The following NLGN3 variants were observed in gnomAD, a reference collection of about 807,000 sequenced individuals.
The protein encoded by NLGN3 is neuroligin-3.
Under a neutral mutation model 42.9 loss-of-function variants are expected in NLGN3, and 11 were observed. That is an observed-to-expected ratio of 0.26 (90% CI 0.16 to 0.42). The LOEUF is 0.42. Ranked by LOEUF, NLGN3 falls within the 10% of genes least tolerant of loss-of-function variation. The pLI is 1.00. For missense variants in NLGN3, 374 were observed against 733.8 expected, an observed-to-expected ratio of 0.51 and a Z score of 5.67; for synonymous variants, 279 against 312.7, an observed-to-expected ratio of 0.89 and a Z score of 1.14.
chrX:71,165,682 T>G (rs996443324), intron 6 of NLGN3, among the ~76,000 whole-genome samples: 1 of 110,727 alleles, frequency 9.0e-6, no homozygotes, highest in Non-Finnish European at 1.9e-5. Flanking sequence ...CATGCTACCA[T>G]GCCCGGCTAA....
chrX:71,146,157 A>T (rs865884460), intron 1 of NLGN3, among the ~76,000 whole-genome samples: 411 of 28,073 alleles, frequency 0.015, 13 homozygotes, highest in African/African-American at 0.072. Context: ...TCTCTCTCAC[A>T]CACACACACA....
intron 3 of NLGN3, among the ~76,000 whole-genome samples, chrX:71,150,594 C>T (rs1216444742): frequency 2.8e-5 from 3 of 105,980 alleles, no homozygotes; most frequent in East Asian, 3.0e-4. Context: ...TCCGGCTACT[C>T]GGGAGGTTGA....
chrX:71,156,975 G>C (rs1486781585), intron 5 of NLGN3, among the ~76,000 whole-genome samples: 1 of 111,051 alleles, frequency 9.0e-6, no homozygotes, highest in African/African-American at 3.3e-5. Flanking sequence ...GCCTCAGAGA[G>C]GGTGACTAAG....
chrX:71,161,632 G>A (rs983498317), intron 5 of NLGN3, among the ~76,000 whole-genome samples: 3 of 110,598 alleles, frequency 2.7e-5, no homozygotes, highest in Admixed American at 9.6e-5. Flanking sequence ...AAATTAGCCA[G>A]GCATGGTGGC....
At chrX:71,155,962 C>T (rs1393429241) in intron 5 of NLGN3, among the ~76,000 whole-genome samples, 1 of 110,610 alleles carries the variant, frequency 9.0e-6, no homozygotes, top group African/African-American at 3.3e-5. Flanking sequence ...ATCCACATAC[C>T]CACACGGTCT....
intron 7 of NLGN3, among the ~76,000 whole-genome samples, chrX:71,168,843 AAGAAAGAAAG>A (rs1569485675): frequency 1.1e-5 from 1 of 89,329 alleles, no homozygotes. Context: ...GAAAGAAAGA[AAGAAAGAAAG>A]AAAGAAAGAA....
chrX:71,153,859 C>A (rs1225821494), intron 4 of NLGN3, among the ~76,000 whole-genome samples: 3 of 112,065 alleles, frequency 2.7e-5, no homozygotes, highest in Non-Finnish European at 5.6e-5. Flanking sequence ...GGAGAGAAAG[C>A]AGGACCACTG....
intron 5 of NLGN3, among the ~76,000 whole-genome samples, chrX:71,159,441 G>A (rs1478994332): frequency 1.8e-5 from 2 of 112,197 alleles, no homozygotes; most frequent in African/African-American, 6.5e-5. Context: ...TGACAGCCCC[G>A]TCATTTGGAT....
At chrX:71,151,555 G>A (rs756684553) in intron 3 of NLGN3, among the ~76,000 whole-genome samples, 16 of 112,043 alleles carry the variant, frequency 1.4e-4, no homozygotes, top group Non-Finnish European at 2.4e-4. Flanking sequence ...ATCCCTCAGC[G>A]GCGCAGGGTC....
At chrX:71,153,381 C>G in intron 3 of NLGN3, 96 bp from the exon 4 acceptor site, 1 of 919,888 alleles carries the variant, frequency 1.1e-6, no homozygotes, top group Non-Finnish European at 1.5e-6. Flanking sequence ...CCGGAGCTGG[C>G]TTGCTGGGCC....
At chrX:71,164,058 C>A in intron 5 of NLGN3, 85 bp from the exon 6 acceptor site, 1 of 888,282 alleles carries the variant, frequency 1.1e-6, no homozygotes, top group Non-Finnish European at 1.6e-6. Context: ...CTATTCCCAC[C>A]TCCCCTGTTG....
intron 5 of NLGN3, among the ~76,000 whole-genome samples, chrX:71,161,648 C>A (rs2092430586): frequency 9.0e-6 from 1 of 110,937 alleles, no homozygotes; most frequent in African/African-American, 3.3e-5. Flanking sequence ...GTGGCAGGCA[C>A]CTGTAATCCC....
intron 2 of NLGN3, among the ~76,000 whole-genome samples, chrX:71,148,515 G>T (rs113232567): frequency 1.8e-5 from 2 of 111,173 alleles, no homozygotes; most frequent in Non-Finnish European, 1.9e-5. Context: ...GCAGCTACCC[G>T]CGGGAGGATG....
At chrX:71,167,860 C>A in intron 7 of NLGN3, 60 bp downstream of exon 7, 1 of 1,013,352 alleles carries the variant, frequency 9.9e-7, no homozygotes, top group African/African-American at 1.9e-5. Flanking sequence ...CCCCTCTGCT[C>A]CTCTAGCTAA....
In NLGN3 at chrX:71,148,353, C is replaced by A. The variant is rs2092378809; in HGVS notation, c.457+147C>A. The A allele has an allele frequency of 2.2e-5, 11 of 497,351 alleles. No homozygotes were observed. In the South Asian group the frequency reaches 3.0e-4, roughly 14 times the overall value. The allele number at this position is 497,351 out of a possible 1,213,427, so 41.0% of individuals were successfully genotyped here. On this transcript the variant is annotated intron_variant, in intron 2 of 7. Coordinates refer to ENST00000358741, the MANE Select transcript of NLGN3 (RefSeq NM_181303.2). ...CCATCACTCTGCTTGGCCTCCCACCCCCCTCCCTGTTCTTCCCTCTCCCAG... is the reference window on the plus strand; with the variant it reads ...CCATCACTCTGCTTGGCCTCCCACCACCCTCCCTGTTCTTCCCTCTCCCAG...
chrX:71,160,213 C>CTTTTT, intron 5 of NLGN3, among the ~76,000 whole-genome samples: 1 of 95,744 alleles, frequency 1.0e-5, no homozygotes, highest in African/African-American at 3.9e-5. Flanking sequence ...TTCTTTCTTT[C>CTTTTT]TTTTTTTTTT....
chrX:71,159,005 C>G (rs1164591255), intron 5 of NLGN3, among the ~76,000 whole-genome samples: 1 of 110,964 alleles, frequency 9.0e-6, no homozygotes, highest in African/African-American at 3.3e-5. Context: ...CGTGTGTGCA[C>G]ACACATGCAT....
intron 5 of NLGN3, among the ~76,000 whole-genome samples, chrX:71,161,355 C>G: frequency 9.3e-6 from 1 of 107,184 alleles, no homozygotes; most frequent in African/African-American, 3.4e-5. Flanking sequence ...CTCAGGTGAT[C>G]TGCCCGCCTT....
Position 71,170,157 on chromosome X carries a change from GCACACACACA to G in NLGN3, c.*72_*81del. 2.8e-6 allele frequency: 3 copies of G among 1,065,055 alleles called. No homozygotes were observed. The highest frequency in any genetic ancestry group is 3.8e-6 in the Non-Finnish European group (3 of 791,757). The allele number at this position is 1,065,055 out of a possible 1,213,427, so 87.8% of individuals were successfully genotyped here. Reference sequence around the variant, plus strand: ...CTCCCTCCCAGATCCAGGAACACATGCACACACACACACACACACACGCAGACACACACAC... The same window carrying G: ...CTCCCTCCCAGATCCAGGAACACATGCACACACACACGCAGACACACACAC... On this transcript the variant is annotated 3_prime_UTR_variant, in exon 8 of 8. Coordinates refer to ENST00000358741, the MANE Select transcript of NLGN3 (RefSeq NM_181303.2).
Sources: allele counts gnomAD v4.1 joint callset (sites outside exome capture counted in the v4.1 genomes callset), GRCh38; gene constraint gnomAD v4.1.1; transcripts MANE v1.5; gene names NCBI Gene and HGNC (gene_info 2026-07-23, HGNC 2026-07-21).